The following VAT1L variants were observed in gnomAD, a reference collection of about 807,000 sequenced individuals.
VAT1L encodes the protein vesicle amine transport 1 like, also known as putative NADPH-dependent quinone oxidoreductase VAT1L.
Under a neutral mutation model 44.1 loss-of-function variants are expected in VAT1L, and 34 were observed. That is an observed-to-expected ratio of 0.77 (90% confidence interval 0.59 to 1.03). VAT1L has a LOEUF of 1.03. Among genes scored for constraint, VAT1L ranks in the 50% least tolerant of loss-of-function variants. VAT1L has a pLI of 0.00. For synonymous variants in VAT1L, 253 were observed against 202.2 expected (o/e 1.25, Z -2.13); for missense variants, 615 against 538.8 (o/e 1.14, Z -1.40).
chr16:77,915,206 C>G (rs985839876), intron 7 of VAT1L, among the ~76,000 whole-genome samples: 3 of 152,016 alleles, frequency 2.0e-5, no homozygotes, highest in East Asian at 1.9e-4. Flanking sequence ...ATTGGCAAAA[C>G]TCAACAAAAG....
chr16:77,946,276 G>GTTTTTTTTTTT (rs1597114758), intron 7 of VAT1L, among the ~76,000 whole-genome samples: 6 of 33,862 alleles, frequency 1.8e-4, no homozygotes, highest in East Asian at 1.2e-3. Flanking sequence ...TAGGTTACTT[G>GTTTTTTTTTTT]TTCTTTTTTT....
At chr16:77,898,623 G>A (rs1162911225) in intron 7 of VAT1L, among the ~76,000 whole-genome samples, 1 of 148,560 alleles carries the variant, frequency 6.7e-6, no homozygotes, top group Non-Finnish European at 1.5e-5. Flanking sequence ...CAGGGCTTAA[G>A]GCATGCCCTG....
At chr16:77,830,878 T>C (rs904007968) in intron 3 of VAT1L, among the ~76,000 whole-genome samples, 1 of 152,148 alleles carries the variant, frequency 6.6e-6, no homozygotes, top group Non-Finnish European at 1.5e-5. Context: ...GAGATGGGAT[T>C]TCACCACGTT....
intron 1 of VAT1L, among the ~76,000 whole-genome samples, chr16:77,791,625 C>T (rs537071500): frequency 1.3e-5 from 2 of 152,170 alleles, no homozygotes; most frequent in African/African-American, 2.4e-5. Context: ...TTTTTGTCTC[C>T]CTTGGTGGAA....
rs35017686 is a variant in VAT1L at position 77,975,194 on chromosome 16, C to CTT, written c.1162-2370_1162-2369dup. Among the ~76,000 whole-genome samples the CTT allele has an allele frequency of 6.0e-4, 24 of 39,858 alleles. 1 individual carries two copies. The highest frequency in any genetic ancestry group is 1.4e-3 in the Admixed American group (3 of 2,172). 26.1% of individuals were successfully genotyped at this position (39,858 alleles called of 152,430 possible). A position where few individuals can be genotyped will look rare whatever the true frequency, so the allele number is the denominator to read the frequency against. On this transcript the variant is annotated intron_variant, in intron 8 of 8. Coordinates refer to ENST00000302536, the MANE Select transcript of VAT1L (RefSeq NM_020927.3). The stretch of plus-strand genomic sequence containing the variant: ...GTGCTTTCTCCTACTGGAATGACCA[C>CTT]TTTTTTTTTTTTTTTTTTTTTTTTT...
chr16:77,917,630 C>G (rs867141433), intron 7 of VAT1L, among the ~76,000 whole-genome samples: 1 of 152,136 alleles, frequency 6.6e-6, no homozygotes, highest in African/African-American at 2.4e-5. Context: ...GATAAGAAAA[C>G]GGAGACTCGA....
intron 7 of VAT1L, among the ~76,000 whole-genome samples, chr16:77,909,434 C>T (rs1308477603): frequency 1.3e-5 from 2 of 151,808 alleles, no homozygotes; most frequent in Non-Finnish European, 2.9e-5. Flanking sequence ...GTCAGGAGTT[C>T]GAGACCAGCC....
intron 7 of VAT1L, among the ~76,000 whole-genome samples, chr16:77,957,286 A>G (rs1389628888): frequency 6.6e-6 from 1 of 152,234 alleles, no homozygotes; most frequent in Non-Finnish European, 1.5e-5. Context: ...ATAGCTACCA[A>G]TCTATGAGTA....
intron 3 of VAT1L, among the ~76,000 whole-genome samples, chr16:77,829,424 G>A (rs1420972746): frequency 3.9e-5 from 6 of 152,182 alleles, no homozygotes; most frequent in Non-Finnish European, 8.8e-5. Context: ...AGCATGTGAG[G>A]AATACCAAAC....
At chr16:77,883,022 A>T (rs1362983517) in intron 6 of VAT1L, among the ~76,000 whole-genome samples, 3 of 151,872 alleles carry the variant, frequency 2.0e-5, no homozygotes, top group Non-Finnish European at 4.4e-5. Flanking sequence ...TTGTATATGA[A>T]CCTCATCATT....
At chr16:77,839,970 A>G (rs941648646) in intron 3 of VAT1L, among the ~76,000 whole-genome samples, 7 of 152,270 alleles carry the variant, frequency 4.6e-5, no homozygotes, top group Middle Eastern at 6.8e-3. Context: ...AGACTGACCT[A>G]TATTTGCATC....
At chr16:77,874,777 C>G (rs1020976868) in intron 4 of VAT1L, among the ~76,000 whole-genome samples, 22 of 146,870 alleles carry the variant, frequency 1.5e-4, no homozygotes, top group Non-Finnish European at 2.2e-4. Context: ...AAGCAATATA[C>G]TACATCCTCC....
Position 77,979,822 on chromosome 16 carries a change from T to G in VAT1L, c.*2127T>G, listed in dbSNP as rs2083561452. ...CTAGAGTTTGACCAATAAGACCAATTTCTGCCATGAAGAACCGGGGGACGC... is the reference window on the plus strand; with the variant it reads ...CTAGAGTTTGACCAATAAGACCAATGTCTGCCATGAAGAACCGGGGGACGC... On this transcript the variant is annotated 3_prime_UTR_variant, in exon 9 of 9. Coordinates refer to ENST00000302536, the MANE Select transcript of VAT1L (RefSeq NM_020927.3). The G allele has an allele frequency of 6.6e-6, 1 of 152,590 alleles. No individual in the cohort carries two copies. The highest frequency in any genetic ancestry group is 1.5e-5 in the Non-Finnish European group (1 of 68,024). 9.5% of individuals were successfully genotyped at this position (152,590 alleles called of 1,614,324 possible).
At chr16:77,974,864 G>A (rs190338060) in intron 8 of VAT1L, among the ~76,000 whole-genome samples, 8 of 152,100 alleles carry the variant, frequency 5.3e-5, no homozygotes, top group Admixed American at 3.9e-4. Context: ...ACACTGTACC[G>A]GGCCCCCTTG....
At chr16:77,923,125 C>T (rs1457837686) in intron 7 of VAT1L, among the ~76,000 whole-genome samples, 1 of 152,162 alleles carries the variant, frequency 6.6e-6, no homozygotes, top group Non-Finnish European at 1.5e-5. Context: ...CGAACCTCGG[C>T]TTCTGGAGGA....
At chr16:77,870,635 C>T (rs1323003672) in intron 4 of VAT1L, among the ~76,000 whole-genome samples, 3 of 152,226 alleles carry the variant, frequency 2.0e-5, no homozygotes, top group African/African-American at 4.8e-5. Context: ...GAATTTGGCT[C>T]ATATAATCCC....
chr16:77,907,868 G>T (rs2017454404), intron 7 of VAT1L, among the ~76,000 whole-genome samples: 1 of 152,136 alleles, frequency 6.6e-6, no homozygotes, highest in African/African-American at 2.4e-5. Context: ...TCATTTTAGT[G>T]CCTGTTTAGA....
chr16:77,807,394 G>A (rs901950486), intron 1 of VAT1L, among the ~76,000 whole-genome samples: 1 of 152,164 alleles, frequency 6.6e-6, no homozygotes, highest in African/African-American at 2.4e-5. Context: ...CCTCATTCCT[G>A]ACTGGTTGAT....
At chr16:77,876,569 G>A (rs1025345799) in intron 5 of VAT1L, 96 bp downstream of exon 5, 3 of 1,060,972 alleles carry the variant, frequency 2.8e-6, no homozygotes, top group South Asian at 1.3e-5. Flanking sequence ...CTGATATGTT[G>A]GGGTAGTGGG....
Sources: gnomAD v4.1 joint callset for allele counts (sites outside exome capture counted in the v4.1 genomes callset) on GRCh38, gnomAD v4.1.1 for gene constraint, MANE v1.5 for transcripts, NCBI Gene and HGNC (gene_info 2026-07-23, HGNC 2026-07-21) for gene names.